The following RNF17 variants were observed in gnomAD, a reference collection of about 807,000 sequenced individuals.
The protein encoded by RNF17 is spermatogenesis associated 23.
A neutral mutation model predicts 200.5 loss-of-function variants in RNF17; 31 were observed. The ratio of observed to expected loss-of-function variants is 0.15; its 90% CI spans 0.12 to 0.21. The LOEUF (loss-of-function observed/expected upper bound fraction) is 0.21, where lower values mean the gene tolerates loss of function less well. RNF17 is among the 10% of genes least tolerant of loss of function. The pLI, the probability that RNF17 is intolerant of heterozygous loss-of-function variation, is 1.00. For synonymous variants in RNF17, 606 were observed against 637.8 expected (o/e 0.95, Z 0.75); for missense variants, 1,628 against 1,905.1 (o/e 0.85, Z 2.71).
intron 11 of RNF17, among the ~76,000 whole-genome samples, chr13:24,798,098 TCTTA>T (rs1884821013): frequency 6.6e-6 from 1 of 152,132 alleles, no homozygotes; most frequent in Non-Finnish European, 1.5e-5. Flanking sequence ...TGAGTAAATA[TCTTA>T]CTTGTTCATC....
chr13:24,877,236 T>C lies in RNF17; in HGVS notation c.4773+50T>C, dbSNP rs200044089. On this transcript the variant is annotated intron_variant, in intron 34 of 35. Coordinates refer to ENST00000255324, the MANE Select transcript of RNF17 (RefSeq NM_031277.3). ...TATTGTAAAGCTATTTCTGTGTCGA[T>C]ACTTTGTAAAGTGTTTGTTTCTATG... 957 of 1,496,934 alleles carry C rather than the reference T, an allele frequency of 6.4e-4. 5 individuals carry two copies. In the African/African-American group the frequency reaches 0.01, roughly 16 times the overall value. The allele number at this position is 1,496,934 out of a possible 1,614,324, so 92.7% of individuals were successfully genotyped here. A position where few individuals can be genotyped will look rare whatever the true frequency, so the allele number is the denominator to read the frequency against.
chr13:24,786,857 T>G (rs1362033959), intron 6 of RNF17, among the ~76,000 whole-genome samples: 1 of 152,174 alleles, frequency 6.6e-6, no homozygotes, highest in Non-Finnish European at 1.5e-5. Flanking sequence ...GATTCATGTC[T>G]CATCAAATTT....
At chr13:24,834,428 CAACAAG>C (rs1335033519) in intron 18 of RNF17, among the ~76,000 whole-genome samples, 7 of 151,044 alleles carry the variant, frequency 4.6e-5, no homozygotes, top group African/African-American at 1.2e-4. Context: ...TTAACAACAA[CAACAAG>C]AACAACAAAA....
At chr13:24,868,857 T>C (rs1194744740) in intron 31 of RNF17, 141 bp downstream of exon 31, 1 of 623,578 alleles carries the variant, frequency 1.6e-6, no homozygotes, top group Non-Finnish European at 2.8e-6. Flanking sequence ...CCCCACCCTA[T>C]AATATCCTCT....
At chr13:24,818,854 T>G (rs1375844473) in intron 15 of RNF17, among the ~76,000 whole-genome samples, 2 of 152,138 alleles carry the variant, frequency 1.3e-5, no homozygotes, top group African/African-American at 4.8e-5. Flanking sequence ...TCTTTGTCTT[T>G]TAATTGGAGA....
At chr13:24,763,208 T>C (rs1235033434), upstream of RNF17, among the ~76,000 whole-genome samples, 1 of 146,200 alleles carries the variant, frequency 6.8e-6, no homozygotes, top group Non-Finnish European at 1.5e-5. Context: ...TCAACTCTTT[T>C]TTTTTTTTTT....
intron 31 of RNF17, among the ~76,000 whole-genome samples, chr13:24,869,443 C>A (rs1485030263): frequency 1.3e-5 from 2 of 152,304 alleles, no homozygotes; most frequent in South Asian, 4.1e-4. Context: ...ACAATTTACC[C>A]CTAAACTTAG....
In RNF17 at chr13:24,852,030, C is replaced by T. The variant is rs117809508; in HGVS notation, c.3320+459C>T. ...CAAATAAATAATTGAACAGTATTTACGTTTAAAGATCCTTTCGGGTTCTAT... is the reference window on the plus strand; with the variant it reads ...CAAATAAATAATTGAACAGTATTTATGTTTAAAGATCCTTTCGGGTTCTAT... On this transcript the variant is annotated intron_variant, in intron 24 of 35. Transcript: ENST00000255324. Among the ~76,000 whole-genome samples, 528 of 151,870 alleles carry T rather than the reference C, an allele frequency of 3.5e-3. 3 individuals are homozygous for T. The highest frequency in any genetic ancestry group is 3.5e-3 in the Non-Finnish European group (238 of 67,966).
At chr13:24,866,916 C>G (rs1351751846) in intron 30 of RNF17, among the ~76,000 whole-genome samples, 1 of 152,140 alleles carries the variant, frequency 6.6e-6, no homozygotes, top group East Asian at 1.9e-4. Context: ...TTTTTTCCAT[C>G]TCCTCACCAG....
At chr13:24,756,356 T>C in the RNF17 span, among the ~76,000 whole-genome samples, 2 of 152,196 alleles carry the variant, frequency 1.3e-5, no homozygotes, top group African/African-American at 4.8e-5. Flanking sequence ...ACTCACATAT[T>C]GTCTGCTAAA....
chr13:24,876,890 T>C (rs943288782), intron 33 of RNF17, 107 bp from the exon 34 acceptor site: 18 of 892,328 alleles, frequency 2.0e-5, no homozygotes, highest in Non-Finnish European at 2.7e-5. Flanking sequence ...TCCAAAAAAA[T>C]CACTGCAAAA....
At chr13:24,888,277 A>G in the RNF17 span, among the ~76,000 whole-genome samples, 2 of 152,160 alleles carry the variant, frequency 1.3e-5, no homozygotes, top group Non-Finnish European at 2.9e-5. Flanking sequence ...ACACAAACTG[A>G]AAAGCCAAAC....
chr13:24,878,025 G>A (rs1431746323), intron 34 of RNF17, among the ~76,000 whole-genome samples: 1 of 152,188 alleles, frequency 6.6e-6, no homozygotes, highest in Admixed American at 6.5e-5. Context: ...CCTCTGAAAT[G>A]GCAGTCAGCT....
At position 24,802,527 on chromosome 13, in the gene RNF17, G is replaced by A. The variant is rs759651567; in HGVS notation, c.1905G>A (p.Met635Ile). Residue 635 changes from methionine to isoleucine, a missense_variant, in exon 14 of 36, where the codon ATG (methionine) becomes ATA (isoleucine). By Grantham distance (10) the Met-to-Ile change is conservative. Coordinates refer to ENST00000255324, the MANE Select transcript of RNF17 (RefSeq NM_031277.3). ...KPPPNKISSD[M>I]PVSLRDALVF... ...CACCGAATAAAATAAGCAGTGATAT[G>A]CCTGTGTCTCTTAGAGATGCGCTAG... The A allele has an allele frequency of 1.9e-6, 3 of 1,613,760 alleles. No individual in the cohort carries two copies. The highest frequency in any genetic ancestry group is 4.5e-5 in the East Asian group (2 of 44,858).
chr13:24,820,786 C>G (rs543436202), intron 15 of RNF17, among the ~76,000 whole-genome samples: 1 of 152,192 alleles, frequency 6.6e-6, no homozygotes, highest in African/African-American at 2.4e-5. Context: ...CTTCTTGAGT[C>G]TCTTTGTATA....
upstream of RNF17, among the ~76,000 whole-genome samples, chr13:24,761,748 A>G (rs914630378): frequency 3.3e-5 from 5 of 152,226 alleles, no homozygotes; most frequent in South Asian, 2.1e-4. Context: ...TGGCTGCTCT[A>G]TTTGAGGGTT....
At chr13:24,806,843 C>T (rs9511452) in intron 15 of RNF17, among the ~76,000 whole-genome samples, 32,766 of 142,882 alleles carry the variant, frequency 0.23, 4,190 homozygotes, top group Non-Finnish European at 0.29. Context: ...GTTCCCCTTC[C>T]TGTGTCCATG....
Position 24,851,591 on chromosome 13 carries a change from A to T in RNF17, c.3320+20A>T, listed in dbSNP as rs1271030270. On this transcript the variant is annotated intron_variant, in intron 24 of 35. Transcript: ENST00000255324. ...AAGGAGGTATAGACTTTTTTAAAAA[A>T]TTTTGACATCAGTTTGTGATGGATG... is the stretch of plus-strand genomic sequence containing the variant. 14 of 1,519,494 alleles carry T rather than the reference A, an allele frequency of 9.2e-6. No individual in the cohort carries two copies. Among genetic ancestry groups the T allele is most frequent in the African/African-American group, 5.6e-5 (4 of 71,644 alleles). The allele number at this position is 1,519,494 out of a possible 1,614,324, so 94.1% of individuals were successfully genotyped here. A position where few individuals can be genotyped will look rare whatever the true frequency, so the allele number is the denominator to read the frequency against.
chr13:24,799,679 G>C, intron 12 of RNF17, 95 bp downstream of exon 12: 1 of 717,888 alleles, frequency 1.4e-6, no homozygotes, highest in Non-Finnish European at 2.3e-6. Context: ...GTAGAGAGGA[G>C]TAATTTGTCA....
Sources: gnomAD v4.1 joint callset for allele counts (sites outside exome capture counted in the v4.1 genomes callset) on GRCh38, gnomAD v4.1.1 for gene constraint, MANE v1.5 for transcripts, NCBI Gene and HGNC (gene_info 2026-07-23, HGNC 2026-07-21) for gene names.